The following DNAH9 variants were observed in gnomAD, a reference collection of about 807,000 sequenced individuals.
DNAH9 encodes dynein axonemal heavy chain 9, also known as DNAH9 variant protein.
A neutral mutation model predicts 471.6 loss-of-function variants in DNAH9; 345 were observed. That is an observed-to-expected ratio of 0.73 (90% CI 0.67 to 0.80). The LOEUF is 0.80. DNAH9 is among the 30% of genes least tolerant of loss of function. The pLI is 0.00. For missense variants in DNAH9, 5,407 were observed against 5,609.2 expected, an observed-to-expected ratio of 0.96 and a Z score of 1.15; for synonymous variants, 2,093 against 2,123.6, an observed-to-expected ratio of 0.99 and a Z score of 0.40.
At chr17:11,835,840 G>A (rs8075390) in intron 49 of DNAH9, among the ~76,000 whole-genome samples, 63,634 of 151,956 alleles carry the variant, frequency 0.42, 13,611 homozygotes, top group Non-Finnish European at 0.47. Flanking sequence ...AGCCATGCAA[G>A]TGGCTCACAT....
At chr17:11,876,244 G>A (rs1972477166) in intron 53 of DNAH9, among the ~76,000 whole-genome samples, 1 of 152,108 alleles carries the variant, frequency 6.6e-6, no homozygotes, top group African/African-American at 2.4e-5. Context: ...GAATATTATT[G>A]CCTTAAAAGG....
rs777342371 is a variant in DNAH9 at position 11,762,766 on chromosome 17, T to TTTTTTTTG, written c.6996-671_6996-670insTTTTGTTT. On this transcript the variant is annotated intron_variant, in intron 35 of 68. Coordinates refer to ENST00000262442, the MANE Select transcript of DNAH9 (RefSeq NM_001372.4). ...ATTGCCTCTTTAGGTGCGTTTTTTT[T>TTTTTTTTG]TTTGTTTTTTTTTTTTTTTTTTTTT... 1.6e-3 allele frequency among the ~76,000 whole-genome samples: 138 copies of TTTTTTTTG among 87,286 alleles called. 2 individuals carry two copies. Among genetic ancestry groups the TTTTTTTTG allele is most frequent in the Non-Finnish European group, 2.5e-3 (98 of 39,264 alleles). 57.3% of individuals were successfully genotyped at this position (87,286 alleles called of 152,430 possible).
At chr17:11,764,851 G>T (rs781320406) in intron 36 of DNAH9, among the ~76,000 whole-genome samples, 19 of 152,198 alleles carry the variant, frequency 1.2e-4, no homozygotes, top group Non-Finnish European at 2.2e-4. Context: ...AGATTGTGGC[G>T]ATGGTTTCAC....
chr17:11,934,913 A>G (rs1376399949), intron 65 of DNAH9, among the ~76,000 whole-genome samples: 1 of 152,164 alleles, frequency 6.6e-6, no homozygotes, highest in Non-Finnish European at 1.5e-5. Context: ...GGCTATGAAC[A>G]CAGGCACATA....
chr17:11,939,557 A>G (rs939315599), intron 66 of DNAH9, among the ~76,000 whole-genome samples: 2 of 152,186 alleles, frequency 1.3e-5, no homozygotes, highest in African/African-American at 4.8e-5. Context: ...CACATAGCTC[A>G]CATGTTCCTA....
At chr17:11,636,916 G>A in intron 9 of DNAH9, 132 bp downstream of exon 9, 1 of 837,610 alleles carries the variant, frequency 1.2e-6, no homozygotes, top group Non-Finnish European at 1.9e-6. Flanking sequence ...CAACCTTCTT[G>A]CTTGAAATTC....
At chr17:11,767,469 G>A (rs550289452) in intron 36 of DNAH9, among the ~76,000 whole-genome samples, 1 of 152,234 alleles carries the variant, frequency 6.6e-6, no homozygotes, top group East Asian at 1.9e-4. Context: ...TTATTTAACA[G>A]CAAAATGAGG....
chr17:11,811,783 T>C (rs1246274438), intron 45 of DNAH9, among the ~76,000 whole-genome samples: 1 of 151,696 alleles, frequency 6.6e-6, no homozygotes, highest in Non-Finnish European at 1.5e-5. Context: ...CTGGACACTG[T>C]TACAGATATG....
intron 21 of DNAH9, among the ~76,000 whole-genome samples, 159 bp downstream of exon 21, chr17:11,694,157 C>T (rs548002518): frequency 5.3e-5 from 8 of 152,210 alleles, no homozygotes; most frequent in Admixed American, 6.5e-5. Context: ...GAGGTGTTGA[C>T]GCCAAGGTAG....
chr17:11,718,064 A>G (rs1468446675), intron 26 of DNAH9, among the ~76,000 whole-genome samples: 1 of 150,920 alleles, frequency 6.6e-6, no homozygotes, highest in Non-Finnish European at 1.5e-5. Flanking sequence ...GTGTGTAGAT[A>G]TGGGGTTTTG....
At chr17:11,944,059 G>A (rs114914586) in intron 67 of DNAH9, among the ~76,000 whole-genome samples, 1,961 of 152,188 alleles carry the variant, frequency 0.013, 42 homozygotes, top group African/African-American at 0.045. Flanking sequence ...TTTTTCTTTC[G>A]AGAGCCTTTG....
At chr17:11,817,912 A>G (rs769845923) in intron 45 of DNAH9, among the ~76,000 whole-genome samples, 29 of 152,216 alleles carry the variant, frequency 1.9e-4, no homozygotes, top group African/African-American at 4.3e-4. Flanking sequence ...TTAAATGATA[A>G]AAGCTAATTA....
chr17:11,903,295 G>A (rs749438627), intron 60 of DNAH9, among the ~76,000 whole-genome samples: 48 of 151,830 alleles, frequency 3.2e-4, no homozygotes, highest in African/African-American at 8.5e-4. Flanking sequence ...CCGAGATTGC[G>A]TCACTACACT....
rs528827114 is a variant in DNAH9 at position 11,884,557 on chromosome 17, T to C, written c.10971+807T>C. 5.5e-5 allele frequency: 25 copies of C among 456,150 alleles called. No homozygotes were observed. In the East Asian group the frequency reaches 1.7e-3, roughly 30 times the overall value. 28.3% of individuals were successfully genotyped at this position (456,150 alleles called of 1,614,324 possible). On this transcript the variant is annotated intron_variant, in intron 56 of 68. Coordinates refer to ENST00000262442, the MANE Select transcript of DNAH9 (RefSeq NM_001372.4). ...CAGATTATTGGGATTTCTCCAAATA[T>C]GAAAGACTTCGTTCTAGGTAGAGAC...
intron 45 of DNAH9, among the ~76,000 whole-genome samples, chr17:11,818,458 T>C (rs11870823): frequency 0.05 from 7,464 of 149,998 alleles, 620 homozygotes; most frequent in African/African-American, 0.17. Context: ...GAAAAGAAAG[T>C]GGGATATAAG....
intron 50 of DNAH9, among the ~76,000 whole-genome samples, chr17:11,856,526 C>A (rs972007144): frequency 7.5e-6 from 1 of 133,888 alleles, no homozygotes; most frequent in Admixed American, 8.3e-5. Context: ...GGTGAAACCC[C>A]GTCTTTACTA....
At chr17:11,874,899 A>T in intron 52 of DNAH9, 50 bp from the exon 53 acceptor site, 1 of 1,377,050 alleles carries the variant, frequency 7.3e-7, no homozygotes, top group South Asian at 1.2e-5. Flanking sequence ...ATCCCAGCTG[A>T]GAATGTCTGC....
At chr17:11,879,829 C>G (rs1469523415) in intron 53 of DNAH9, among the ~76,000 whole-genome samples, 1 of 152,120 alleles carries the variant, frequency 6.6e-6, no homozygotes, top group Non-Finnish European at 1.5e-5. Context: ...TACACCAAAA[C>G]GTTGAAGACA....
At chr17:11,942,583 GAGC>G (rs1398762773) in intron 67 of DNAH9, 98 bp downstream of exon 67, 3 of 1,335,226 alleles carry the variant, frequency 2.2e-6, no homozygotes, top group Non-Finnish European at 3.0e-6. Flanking sequence ...GAAAGCTGGG[GAGC>G]AGTTGTCCTG....
Sources: gnomAD v4.1 joint callset for allele counts (sites outside exome capture counted in the v4.1 genomes callset) on GRCh38, gnomAD v4.1.1 for gene constraint, MANE v1.5 for transcripts, NCBI Gene and HGNC (gene_info 2026-07-23, HGNC 2026-07-21) for gene names.